Variants in AFG2A observed in about 807,000 individuals in gnomAD.
The protein encoded by AFG2A is AAA ATPase AFG2A.
chr4:122,932,985 A>G, the AFG2A span, among the ~76,000 whole-genome samples: 1 of 152,260 alleles, frequency 6.6e-6, no homozygotes, highest in African/African-American at 2.4e-5. Flanking sequence ...GTTTTTGCCT[A>G]TGACAATAAA....
At chr4:123,063,578 C>A in the AFG2A span, among the ~76,000 whole-genome samples, 3 of 152,036 alleles carry the variant, frequency 2.0e-5, no homozygotes, top group Non-Finnish European at 4.4e-5. Flanking sequence ...AACCCCGTCT[C>A]TACTAAAAAT....
the AFG2A span, chr4:123,315,711 G>A: frequency 6.6e-6 from 1 of 152,210 alleles, no homozygotes; most frequent in South Asian, 2.1e-4. Flanking sequence ...TTCCCAGAAA[G>A]ACAAATCAGA....
the AFG2A span, among the ~76,000 whole-genome samples, chr4:123,282,927 A>AG: frequency 5.9e-5 from 9 of 152,260 alleles, no homozygotes; most frequent in South Asian, 1.0e-3. Context: ...TTGACACAGA[A>AG]GGGGAAAGTC....
chr4:123,248,983 G>C, the AFG2A span, among the ~76,000 whole-genome samples: 1 of 152,134 alleles, frequency 6.6e-6, no homozygotes, highest in Non-Finnish European at 1.5e-5. Flanking sequence ...ACTGAGCTAA[G>C]CACATTATAT....
the AFG2A span, among the ~76,000 whole-genome samples, chr4:122,968,324 A>G: frequency 6.6e-6 from 1 of 152,158 alleles, no homozygotes; most frequent in Non-Finnish European, 1.5e-5. Flanking sequence ...TACATAAGAG[A>G]GCATAAGCTA....
At chr4:123,075,535 A>G in the AFG2A span, among the ~76,000 whole-genome samples, 2 of 151,990 alleles carry the variant, frequency 1.3e-5, no homozygotes, top group Non-Finnish European at 2.9e-5. Context: ...CCTGACCTCA[A>G]GTGATCCACC....
At chr4:123,024,575 C>T in the AFG2A span, among the ~76,000 whole-genome samples, 1 of 152,256 alleles carries the variant, frequency 6.6e-6, no homozygotes, top group African/African-American at 2.4e-5. Context: ...GCCAGAAATT[C>T]CTCAGAGAAA....
the AFG2A span, among the ~76,000 whole-genome samples, chr4:123,264,486 T>C: frequency 6.6e-6 from 1 of 152,230 alleles, no homozygotes. Flanking sequence ...AGCCATATTA[T>C]GTAACTTTGA....
chr4:123,172,975 G>A, the AFG2A span, among the ~76,000 whole-genome samples: 13 of 152,102 alleles, frequency 8.5e-5, no homozygotes, highest in South Asian at 1.2e-3. Context: ...TCACAAGGCC[G>A]AAAATGGAAA....
At chr4:123,118,525 A>G in the AFG2A span, among the ~76,000 whole-genome samples, 7 of 151,478 alleles carry the variant, frequency 4.6e-5, no homozygotes, top group South Asian at 2.1e-4. Context: ...ATGGATGAAG[A>G]ACTACCATAG....
the AFG2A span, among the ~76,000 whole-genome samples, chr4:123,104,398 C>T: frequency 1.1e-4 from 17 of 152,244 alleles, no homozygotes; most frequent in Admixed American, 2.0e-4. Context: ...TTTGGGCCTC[C>T]CTACTCCCTG....
chr4:123,245,072 A>G, the AFG2A span, among the ~76,000 whole-genome samples: 1 of 152,172 alleles, frequency 6.6e-6, no homozygotes, highest in Admixed American at 6.5e-5. Flanking sequence ...CTGGGAGTAG[A>G]CAGGACTGTT....
chr4:123,020,012 G>A, the AFG2A span, among the ~76,000 whole-genome samples: 1 of 152,098 alleles, frequency 6.6e-6, no homozygotes, highest in Non-Finnish European at 1.5e-5. Context: ...GTGAATGGGT[G>A]GTTCCCTGAC....
the AFG2A span, among the ~76,000 whole-genome samples, chr4:123,235,406 A>C: frequency 6.6e-6 from 1 of 152,188 alleles, no homozygotes; most frequent in African/African-American, 2.4e-5. Flanking sequence ...CTTTGGAGAC[A>C]GCTGTCCTAG....
chr4:123,066,767 T>C, the AFG2A span, among the ~76,000 whole-genome samples: 1 of 152,326 alleles, frequency 6.6e-6, no homozygotes, highest in South Asian at 2.1e-4. Context: ...CTTAATTGCC[T>C]CACATATAAC....
At chr4:122,944,188 G>T in the AFG2A span, among the ~76,000 whole-genome samples, 2 of 152,170 alleles carry the variant, frequency 1.3e-5, no homozygotes, top group Non-Finnish European at 2.9e-5. Flanking sequence ...GGCCTGCCTC[G>T]CTAGATTGGG....
chr4:123,199,462 G>GTT, the AFG2A span, among the ~76,000 whole-genome samples: 739 of 47,410 alleles, frequency 0.016, 111 homozygotes, highest in African/African-American at 0.03. Context: ...ATACTCAGAG[G>GTT]TTTTTTTTTT....
the AFG2A span, among the ~76,000 whole-genome samples, chr4:123,064,020 G>A: frequency 2.0e-5 from 3 of 152,076 alleles, no homozygotes; most frequent in Non-Finnish European, 4.4e-5. Context: ...CGTATATTTC[G>A]TGCTTATGAA....
the AFG2A span, among the ~76,000 whole-genome samples, chr4:123,182,465 C>T: frequency 6.6e-6 from 1 of 152,190 alleles, no homozygotes; most frequent in African/African-American, 2.4e-5. Context: ...AAGCTCTTAA[C>T]ATAGTGCCTC....
Sources: allele counts gnomAD v4.1 joint callset (sites outside exome capture counted in the v4.1 genomes callset), GRCh38; gene constraint gnomAD v4.1.1; transcripts MANE v1.5; gene names NCBI Gene and HGNC (gene_info 2026-07-23, HGNC 2026-07-21).